The following TUSC3 variants were observed in gnomAD, a reference collection of about 807,000 sequenced individuals.
TUSC3 encodes dolichyl-diphosphooligosaccharide--protein glycosyltransferase subunit TUSC3.
TUSC3 carries 45 observed loss-of-function variants against 44.8 expected under a neutral mutation model. The observed-to-expected ratio is 1.00, with a 90% CI of 0.79 to 1.29. TUSC3 has a LOEUF of 1.29. TUSC3 is among the 50% of genes most tolerant of loss of function. TUSC3 has a pLI of 0.00. For synonymous variants in TUSC3, 212 were observed against 152.9 expected, an observed-to-expected ratio of 1.39 and a Z score of -2.85; for missense variants, 519 against 437.9, an observed-to-expected ratio of 1.19 and a Z score of -1.65.
chr8:15,736,166 G>C (rs1462456441), intron 7 of TUSC3, among the ~76,000 whole-genome samples: 3 of 152,164 alleles, frequency 2.0e-5, no homozygotes, highest in South Asian at 2.1e-4. Flanking sequence ...TGAGATACAA[G>C]AGTCACAAAA....
chr8:15,830,796 T>C, the TUSC3 span, among the ~76,000 whole-genome samples: 61 of 152,292 alleles, frequency 4.0e-4, no homozygotes, highest in African/African-American at 1.4e-3. Flanking sequence ...TGAAAAATTA[T>C]TGAGTATGAT....
the TUSC3 span, among the ~76,000 whole-genome samples, chr8:15,777,713 G>C: frequency 2.6e-5 from 4 of 152,066 alleles, no homozygotes; most frequent in East Asian, 3.9e-4. Flanking sequence ...AGAGGCAAAG[G>C]TAAATGCTTA....
At chr8:15,750,450 A>G (rs1231129616) in intron 9 of TUSC3, among the ~76,000 whole-genome samples, 1 of 152,126 alleles carries the variant, frequency 6.6e-6, no homozygotes, top group Non-Finnish European at 1.5e-5. Flanking sequence ...ATATTTTACT[A>G]GTTTTTTATA....
At chr8:15,722,351 A>G (rs777420318) in intron 6 of TUSC3, among the ~76,000 whole-genome samples, 4 of 151,532 alleles carry the variant, frequency 2.6e-5, no homozygotes, top group Non-Finnish European at 5.9e-5. Context: ...CCATTTTACT[A>G]TCAGGACAGA....
intron 1 of TUSC3, among the ~76,000 whole-genome samples, chr8:15,463,532 T>C (rs1800374672): frequency 6.6e-6 from 1 of 152,160 alleles, no homozygotes; most frequent in Admixed American, 6.6e-5. Context: ...AGAAAGCATC[T>C]GGCAAATGAA....
intron 8 of TUSC3, among the ~76,000 whole-genome samples, chr8:15,748,140 C>CCACAAATAGTACATTTTCATTGAGAAGA (rs36224858): frequency 6.6e-6 from 1 of 151,934 alleles, no homozygotes; most frequent in Non-Finnish European, 1.5e-5. Flanking sequence ...TGTTTTCATA[C>CCACAAATAGTACATTTTCATTGAGAAGA]CACAAATAGT....
chr8:15,522,337 A>G (rs943194237), intron 2 of TUSC3, among the ~76,000 whole-genome samples: 8 of 151,980 alleles, frequency 5.3e-5, no homozygotes, highest in African/African-American at 1.9e-4. Flanking sequence ...GGTTCAAGCA[A>G]TTCTTGTGCC....
At position 15,545,843 on chromosome 8, in the gene TUSC3, T is replaced by C. The variant is rs1437624211; in HGVS notation, c.138+5275T>C. Among the ~76,000 whole-genome samples, 26 of 151,814 alleles carry C rather than the reference T, an allele frequency of 1.7e-4. 2 individuals are homozygous for C. The highest frequency in any genetic ancestry group is 1.5e-4 in the Non-Finnish European group (10 of 67,922). On this transcript the variant is annotated intron_variant, in intron 1 of 10. Coordinates refer to ENST00000503731, the MANE Select transcript of TUSC3 (RefSeq NM_006765.4). Reference sequence around the variant, plus strand: ...TTTTAGATGTGAGTGTGGTCTGTTATGCCTGTGACTGCTGTAGATTATTTC... The same window carrying C: ...TTTTAGATGTGAGTGTGGTCTGTTACGCCTGTGACTGCTGTAGATTATTTC...
chr8:15,555,276 ATTTTTTTTTTTTTTTTTTTTTTT>A (rs35757466), intron 1 of TUSC3, among the ~76,000 whole-genome samples: 1 of 44,890 alleles, frequency 2.2e-5, no homozygotes, highest in Non-Finnish European at 3.6e-5. Flanking sequence ...TGCCAGGCTA[ATTTTTTTTTTTTTTTTTTTTTTT>A]TTTTTTTTTT....
intron 6 of TUSC3, among the ~76,000 whole-genome samples, chr8:15,703,997 C>T (rs1809511366): frequency 6.6e-6 from 1 of 152,064 alleles, no homozygotes; most frequent in South Asian, 2.1e-4. Context: ...AGCTTATAAC[C>T]TCAAAAAGCT....
At chr8:15,434,595 T>C (rs2129117376) in intron 1 of TUSC3, among the ~76,000 whole-genome samples, 1 of 151,390 alleles carries the variant, frequency 6.6e-6, no homozygotes, top group African/African-American at 2.4e-5. Flanking sequence ...GTTTGTTACA[T>C]ATGTATACAT....
chr8:15,831,645 T>C, the TUSC3 span, among the ~76,000 whole-genome samples: 2 of 152,168 alleles, frequency 1.3e-5, no homozygotes, highest in African/African-American at 4.8e-5. Context: ...ACTGCAAGAA[T>C]TTCATAATAT....
chr8:15,561,710 G>A lies in TUSC3; in HGVS notation c.138+21142G>A, dbSNP rs188064425. ...GGTGCGGGATATAATCTTGTGGTGC[G>A]CCGTTTTTTAAGCCCGTCGGAAAAG... is the stretch of plus-strand genomic sequence containing the variant. On this transcript the variant is annotated intron_variant, in intron 1 of 10. Transcript: ENST00000503731. 3.7e-4 allele frequency: 56 copies of A among 149,502 alleles called. 1 individual carries two copies. Among genetic ancestry groups the A allele is most frequent in the South Asian group, 1.1e-3 (5 of 4,574 alleles). 9.3% of individuals were successfully genotyped at this position (149,502 alleles called of 1,614,324 possible).
intron 2 of TUSC3, among the ~76,000 whole-genome samples, chr8:15,485,029 C>G (rs1253146943): frequency 6.6e-6 from 1 of 152,180 alleles, no homozygotes. Flanking sequence ...TTGTCATCCT[C>G]TGCCCTAAGT....
intron 2 of TUSC3, among the ~76,000 whole-genome samples, chr8:15,628,887 G>A (rs1033937002): frequency 2.0e-5 from 3 of 152,188 alleles, no homozygotes; most frequent in Admixed American, 1.3e-4. Context: ...AGTAGAAAGT[G>A]CGGGTGAGAG....
At chr8:15,601,156 T>C (rs746176154) in intron 1 of TUSC3, among the ~76,000 whole-genome samples, 1 of 151,716 alleles carries the variant, frequency 6.6e-6, no homozygotes, top group Non-Finnish European at 1.5e-5. Flanking sequence ...TAAATGATTC[T>C]AGTAGGAGGA....
rs75727525 is a variant in TUSC3, at chr8:15,666,341, A to G, written c.708+4045A>G. 1.6e-4 allele frequency among the ~76,000 whole-genome samples: 25 copies of G among 151,676 alleles called. No homozygotes were observed. The East Asian group carries it at 4.8e-3, about 29-fold the overall frequency. The stretch of plus-strand genomic sequence containing the variant: ...AATAACCCAACCTTATTATCACAGT[A>G]AATCACCGTAGGATAGAAGCTGTTT... On this transcript the variant is annotated intron_variant, in intron 5 of 10. Coordinates refer to ENST00000503731, the MANE Select transcript of TUSC3 (RefSeq NM_006765.4).
chr8:15,825,350 G>T, the TUSC3 span, among the ~76,000 whole-genome samples: 62 of 152,250 alleles, frequency 4.1e-4, no homozygotes, highest in Non-Finnish European at 7.4e-5. Context: ...GAGGAGTAAG[G>T]CACGTCTTAC....
chr8:15,454,801 T>C (rs766288971), intron 1 of TUSC3, among the ~76,000 whole-genome samples: 13 of 152,210 alleles, frequency 8.5e-5, no homozygotes, highest in Non-Finnish European at 1.3e-4. Flanking sequence ...TGGGATATGA[T>C]TTAATCAATG....
Sources: gnomAD v4.1 joint callset for allele counts (sites outside exome capture counted in the v4.1 genomes callset) on GRCh38, gnomAD v4.1.1 for gene constraint, MANE v1.5 for transcripts, NCBI Gene and HGNC (gene_info 2026-07-23, HGNC 2026-07-21) for gene names.